PRDX4: variants seen among roughly 807,000 people sequenced by gnomAD.
The protein encoded by PRDX4 is peroxiredoxin 4.
In PRDX4, 12 loss-of-function variants were observed where a neutral mutation model predicts 20.5. The ratio of observed to expected loss-of-function variants is 0.58; its 90% CI spans 0.37 to 0.95. The LOEUF (loss-of-function observed/expected upper bound fraction) is 0.95, where lower values mean the gene tolerates loss of function less well. Ranked by LOEUF, PRDX4 falls within the 40% of genes least tolerant of loss-of-function variation. The probability of loss-of-function intolerance (pLI) is 0.01; values close to 1 mark genes in which losing one functional copy is unlikely to be tolerated. For synonymous variants in PRDX4, 99 were observed against 87.5 expected (o/e 1.13, Z -0.73); for missense variants, 180 against 207.3 (o/e 0.87, Z 0.81).
At chrX:23,681,587 G>T (rs1285517560) in intron 4 of PRDX4, among the ~76,000 whole-genome samples, 1 of 112,035 alleles carries the variant, frequency 8.9e-6, no homozygotes, top group Non-Finnish European at 1.9e-5. Context: ...AATGTTTTCT[G>T]CTTTCATAAA....
Position 23,670,319 on chromosome X carries a change from T to C in PRDX4, c.242-1210T>C, listed in dbSNP as rs193254488. On this transcript the variant is annotated intron_variant, in intron 1 of 6. Transcript: ENST00000379341. ...CTTGAGTAGCATTTTAAGTAATTTA[T>C]TTAAAGTATATATAATTGAATACTC... Among the ~76,000 whole-genome samples the C allele has an allele frequency of 1.2e-3, 132 of 112,287 alleles. 7 individuals are homozygous for C. The East Asian group carries it at 0.022, about 19-fold the overall frequency.
intron 5 of PRDX4, among the ~76,000 whole-genome samples, chrX:23,682,818 T>G (rs182202774): frequency 8.4e-5 from 1 of 11,852 alleles, no homozygotes; most frequent in Admixed American, 1.7e-3. Flanking sequence ...TCACCTCTAC[T>G]AAAAATCAAA....
chrX:23,671,359 A>G, intron 1 of PRDX4, 170 bp from the exon 2 acceptor site: 2 of 368,243 alleles, frequency 5.4e-6, no homozygotes, highest in South Asian at 1.4e-4. Context: ...AATTCTATGT[A>G]TTTTCCTTTT....
chrX:23,678,578 C>T (rs936142836), intron 3 of PRDX4, among the ~76,000 whole-genome samples: 8 of 111,436 alleles, frequency 7.2e-5, no homozygotes, highest in African/African-American at 2.0e-4. Context: ...TGCAGTGAAC[C>T]GAGATCACGC....
Position 23,686,224 on chromosome X carries a change from T to A in PRDX4, c.766-61T>A, listed in dbSNP as rs1178880299. 8.7e-6 allele frequency: 8 copies of A among 917,040 alleles called. No individual in the cohort carries two copies. In the East Asian group the frequency reaches 2.5e-4, roughly 29 times the overall value. 75.6% of individuals were successfully genotyped at this position (917,040 alleles called of 1,213,427 possible). On this transcript the variant is annotated intron_variant, in intron 6 of 6. Coordinates refer to ENST00000379341, the MANE Select transcript of PRDX4 (RefSeq NM_006406.2). The stretch of plus-strand genomic sequence containing the variant: ...AAGGCATGGGCAACTAATGTCAGAC[T>A]ACTCATTATGTACTTTGGCTTTAAA...
rs1180290315 is a variant in PRDX4 at position 23,671,572 on chromosome X, T to C, written c.285T>C (p.Asp95=). Residue 95 remains aspartate, a synonymous_variant, in exon 2 of 7, where the codon GAT becomes GAC. Transcript: ENST00000379341. ...ACTGGGAAGGAACAGCTGTGATCGA[T>C]GGAGAATTTAAGGAGCTGAAGTTAA... ...APYWEGTAVI[D]GEFKELKLTD... is the part of the protein sequence containing the mutation. 6 of 1,206,601 alleles carry C rather than the reference T, an allele frequency of 5.0e-6. No homozygotes were observed. The highest frequency in any genetic ancestry group is 2.2e-5 in the Admixed American group (1 of 44,828).
chrX:23,680,919 A>T (rs1256311686), intron 4 of PRDX4, among the ~76,000 whole-genome samples: 1 of 109,336 alleles, frequency 9.1e-6, no homozygotes, highest in Non-Finnish European at 1.9e-5. Flanking sequence ...CTCTAAAAAA[A>T]TAATTAAAAT....
intron 4 of PRDX4, among the ~76,000 whole-genome samples, chrX:23,679,923 G>A (rs747369117): frequency 8.2e-5 from 9 of 109,221 alleles, no homozygotes; most frequent in South Asian, 3.9e-4. Context: ...CGGAGGTTGC[G>A]GTGAGGCGAG....
intron 5 of PRDX4, among the ~76,000 whole-genome samples, chrX:23,682,853 A>AATAT (rs1173209030): frequency 0.077 from 1,147 of 14,819 alleles, 64 homozygotes; most frequent in Middle Eastern, 0.12. Flanking sequence ...AAAAAAAAAA[A>AATAT]ATATATATAT....
In PRDX4 at chrX:23,679,205, A is replaced by G; in HGVS notation, c.517A>G (p.Arg173Gly). 1.7e-6 allele frequency: 2 copies of G among 1,207,879 alleles called. No homozygotes were observed. Among genetic ancestry groups the G allele is most frequent in the South Asian group, 3.5e-5 (2 of 56,869 alleles). The change falls in exon 4 of 7, where the codon AGG becomes GGG. Residue 173 changes from arginine to glycine, a missense_variant. Transcript: ENST00000379341. ...PRRQGGLGPI[R>G]IPLLSDLTHQ... is the part of the protein sequence containing the mutation. ...AAGACAAGGAGGACTTGGGCCAATA[A>G]GGATTCCACTTCTTTCAGATTTGAC...
At chrX:23,685,342 G>A (rs1023605657) in intron 6 of PRDX4, among the ~76,000 whole-genome samples, 1 of 111,724 alleles carries the variant, frequency 9.0e-6, no homozygotes, top group Non-Finnish European at 1.9e-5. Context: ...GCTTTTTAAG[G>A]CTTCTTAAGC....
intron 5 of PRDX4, among the ~76,000 whole-genome samples, chrX:23,682,853 A>ATAT (rs1398017836): frequency 2.7e-4 from 4 of 14,872 alleles, no homozygotes; most frequent in Non-Finnish European, 5.0e-4. Flanking sequence ...AAAAAAAAAA[A>ATAT]ATATATATAT....
chrX:23,680,729 C>CA lies in PRDX4; in HGVS notation c.599+1455dup, dbSNP rs1190987666. On this transcript the variant is annotated intron_variant, in intron 4 of 6. Coordinates refer to ENST00000379341, the MANE Select transcript of PRDX4 (RefSeq NM_006406.2). ...AACATAACAAGACCCTTGTCTTCTACAAAAAAAAAAAAATAATTTTTTTTT... is the reference window on the plus strand; with the variant it reads ...AACATAACAAGACCCTTGTCTTCTACAAAAAAAAAAAAAATAATTTTTTTTT... 3.4e-3 allele frequency among the ~76,000 whole-genome samples: 346 copies of CA among 101,040 alleles called. 1 individual carries two copies. Among genetic ancestry groups the CA allele is most frequent in the African/African-American group, 0.011 (303 of 27,803 alleles). The allele number at this position is 101,040 out of a possible 115,157, so 87.7% of individuals were successfully genotyped here.
At position 23,675,139 on chromosome X, in the gene PRDX4, A is replaced by G. The variant is rs191998460; in HGVS notation, c.476+33A>G. On this transcript the variant is annotated intron_variant, in intron 3 of 6. Coordinates refer to ENST00000379341, the MANE Select transcript of PRDX4 (RefSeq NM_006406.2). ...TCTTACACTTATATTCGTAGAAAAAAAAGAATGGATTTACTCTTAAAGCAT... is the reference window on the plus strand; with the variant it reads ...TCTTACACTTATATTCGTAGAAAAAGAAGAATGGATTTACTCTTAAAGCAT... 5.0e-6 allele frequency: 6 copies of G among 1,209,958 alleles called. No homozygotes were observed. In the East Asian group the frequency reaches 1.8e-4, roughly 36 times the overall value.
intron 3 of PRDX4, among the ~76,000 whole-genome samples, chrX:23,675,915 G>A (rs2146789510): frequency 9.0e-6 from 1 of 110,806 alleles, no homozygotes; most frequent in Admixed American, 9.6e-5. Context: ...GATCACCTGA[G>A]GTCGGGAGTT....
chrX:23,671,542 G>A lies in PRDX4; in HGVS notation c.255G>A (p.Ala85=), dbSNP rs369278269. 2.4e-5 allele frequency: 29 copies of A among 1,201,271 alleles called. No individual in the cohort carries two copies. In the African/African-American group the frequency reaches 4.2e-4, roughly 17 times the overall value. ...TTATTTTCTTAGTTTCCAAGCCAGCGCCCTACTGGGAAGGAACAGCTGTGA... is the reference window on the plus strand; with the variant it reads ...TTATTTTCTTAGTTTCCAAGCCAGCACCCTACTGGGAAGGAACAGCTGTGA... ...HLSKAKISKP[A]PYWEGTAVID... The change falls in exon 2 of 7, where the codon GCG becomes GCA. Residue 85 remains alanine, a synonymous_variant. Coordinates refer to ENST00000379341, the MANE Select transcript of PRDX4 (RefSeq NM_006406.2).
At chrX:23,669,804 C>G (rs1429681774) in intron 1 of PRDX4, among the ~76,000 whole-genome samples, 1 of 110,102 alleles carries the variant, frequency 9.1e-6, no homozygotes, top group African/African-American at 3.3e-5. Context: ...GTAATCCCAG[C>G]TACTGGGCAG....
At chrX:23,670,868 G>C (rs1322884056) in intron 1 of PRDX4, among the ~76,000 whole-genome samples, 1 of 111,844 alleles carries the variant, frequency 8.9e-6, no homozygotes, top group Non-Finnish European at 1.9e-5. Flanking sequence ...CCATGTGTAT[G>C]TCAGAAGCTG....
chrX:23,669,896 G>A (rs977290351), intron 1 of PRDX4, among the ~76,000 whole-genome samples: 6 of 104,012 alleles, frequency 5.8e-5, no homozygotes, highest in Non-Finnish European at 1.2e-4. Context: ...CAGCCTGGGC[G>A]ACAGACTGAG....
Sources: allele counts gnomAD v4.1 joint callset (sites outside exome capture counted in the v4.1 genomes callset), GRCh38; gene constraint gnomAD v4.1.1; transcripts MANE v1.5; gene names NCBI Gene and HGNC (gene_info 2026-07-23, HGNC 2026-07-21).